Variants in PIGU observed in about 807,000 individuals in gnomAD.
The protein encoded by PIGU is GPI-anchor transamidase component PIGU.
PIGU carries 24 observed loss-of-function variants against 49.9 expected under a neutral mutation model. The ratio of observed to expected loss-of-function variants is 0.48; its 90% confidence interval spans 0.35 to 0.68. The LOEUF (loss-of-function observed/expected upper bound fraction) is 0.68, where lower values mean the gene tolerates loss of function less well. Ranked by LOEUF, PIGU falls within the 30% of genes least tolerant of loss-of-function variation. PIGU has a pLI of 0.01. For missense variants in PIGU, 490 were observed against 532.6 expected (o/e 0.92, Z 0.79); for synonymous variants, 220 against 205.7 (o/e 1.07, Z -0.59).
intron 1 of PIGU, 48 bp downstream of exon 1, chr20:34,676,908 C>G (rs1568672768): frequency 6.4e-7 from 1 of 1,553,084 alleles, no homozygotes; most frequent in Non-Finnish European, 8.7e-7. Context: ...ACAGAGGCCG[C>G]GGGAGGGCAG....
At chr20:34,588,741 T>A in intron 7 of PIGU, 134 bp from the exon 8 acceptor site, 1 of 806,346 alleles carries the variant, frequency 1.2e-6, no homozygotes, top group Non-Finnish European at 1.8e-6. Context: ...GGTCTTTAAT[T>A]AACTAAGAAG....
At chr20:34,662,937 C>T (rs1298319976) in intron 1 of PIGU, among the ~76,000 whole-genome samples, 1 of 152,052 alleles carries the variant, frequency 6.6e-6, no homozygotes, top group Non-Finnish European at 1.5e-5. Context: ...GACAGGGTCT[C>T]GCTCTGTCAT....
At position 34,617,434 on chromosome 20, in the gene PIGU, G is replaced by C. The variant is rs184221074; in HGVS notation, c.530-1295C>G. Among the ~76,000 whole-genome samples the C allele has an allele frequency of 2.7e-3, 414 of 152,318 alleles. 5 individuals carry two copies. Among genetic ancestry groups the C allele is most frequent in the Non-Finnish European group, 1.7e-3 (116 of 68,032 alleles). On this transcript the variant is annotated intron_variant, in intron 6 of 11. Coordinates refer to ENST00000217446, the MANE Select transcript of PIGU (RefSeq NM_080476.5). ...AGATGTGAGACATGGAGTCAAAGAA[G>C]ATCATTTTGGAACTTTAAGATTTGT...
chr20:34,663,849 A>T (rs1986998927), intron 1 of PIGU, among the ~76,000 whole-genome samples: 1 of 152,058 alleles, frequency 6.6e-6, no homozygotes, highest in African/African-American at 2.4e-5. Context: ...TAAAAAAGCA[A>T]CTCTACAGGG....
chr20:34,613,117 G>C (rs569490008), intron 7 of PIGU, among the ~76,000 whole-genome samples: 2 of 152,006 alleles, frequency 1.3e-5, no homozygotes, highest in South Asian at 4.1e-4. Context: ...CTACCTCCTA[G>C]AATTCCCCTG....
rs1415740299 is a variant in PIGU at position 34,651,487 on chromosome 20, CTTATCTT to C, written c.195+5686_195+5692del. Among the ~76,000 whole-genome samples, 5 of 152,222 alleles carry C rather than the reference CTTATCTT, an allele frequency of 3.3e-5. No homozygotes were observed. The East Asian group carries it at 9.6e-4, about 29-fold the overall frequency. ...TGGGATCTTAATCCCTGGAGTCCTG[CTTATCTT>C]GGTACTTTCCAATGCCTTCCAGCAG... On this transcript the variant is annotated intron_variant, in intron 2 of 11. Coordinates refer to ENST00000217446, the MANE Select transcript of PIGU (RefSeq NM_080476.5).
intron 10 of PIGU, among the ~76,000 whole-genome samples, chr20:34,577,932 G>T (rs1983306036): frequency 1.3e-5 from 2 of 152,152 alleles, no homozygotes; most frequent in Admixed American, 1.3e-4. Context: ...GTCAAAAGGA[G>T]AATAATCAGG....
intron 7 of PIGU, among the ~76,000 whole-genome samples, chr20:34,603,487 G>C (rs1984504824): frequency 6.6e-6 from 1 of 151,928 alleles, no homozygotes; most frequent in Admixed American, 6.6e-5. Flanking sequence ...TCCTAATTTA[G>C]CCAAGTAGGT....
chr20:34,565,903 G>GCA (rs1214088232), intron 11 of PIGU, among the ~76,000 whole-genome samples: 1 of 143,848 alleles, frequency 7.0e-6, no homozygotes, highest in Non-Finnish European at 1.5e-5. Flanking sequence ...ACACATGCTT[G>GCA]CACACACACA....
intron 6 of PIGU, among the ~76,000 whole-genome samples, chr20:34,629,318 G>A (rs1175711905): frequency 6.6e-6 from 1 of 152,114 alleles, no homozygotes; most frequent in African/African-American, 2.4e-5. Context: ...CACCATGCCG[G>A]GCCATATGTT....
intron 2 of PIGU, among the ~76,000 whole-genome samples, chr20:34,652,022 C>A (rs1986555538): frequency 6.6e-6 from 1 of 152,024 alleles, no homozygotes; most frequent in South Asian, 2.1e-4. Context: ...TTTTTTGAGT[C>A]ATGATTTTAC....
At position 34,654,562 on chromosome 20, in the gene PIGU, T is replaced by G. The variant is rs1303215055; in HGVS notation, c.195+2618A>C. ...TTCTTGTTATTGCAGTTTGATTAGA[T>G]ATTAACCCAGAGATAATAAAATTGA... is the stretch of plus-strand genomic sequence containing the variant. On this transcript the variant is annotated intron_variant, in intron 2 of 11. Transcript: ENST00000217446. Among the ~76,000 whole-genome samples the G allele has an allele frequency of 3.4e-5, 4 of 119,360 alleles. 2 individuals carry two copies. The East Asian group carries it at 1.0e-3, about 31-fold the overall frequency. 78.3% of individuals were successfully genotyped at this position (119,360 alleles called of 152,430 possible). A position where few individuals can be genotyped will look rare whatever the true frequency, so the allele number is the denominator to read the frequency against.
chr20:34,569,958 GT>G (rs1273329105), intron 11 of PIGU, among the ~76,000 whole-genome samples: 1 of 152,210 alleles, frequency 6.6e-6, no homozygotes, highest in Non-Finnish European at 1.5e-5. Flanking sequence ...GTGAGTTTGG[GT>G]AAGTCTCTAA....
chr20:34,660,048 T>TTAA (rs1555803431), intron 1 of PIGU, among the ~76,000 whole-genome samples: 1 of 41,454 alleles, frequency 2.4e-5, no homozygotes, highest in African/African-American at 7.6e-5. Flanking sequence ...GAATGATCAA[T>TTAA]AAAAAAAAAA....
At chr20:34,637,670 G>A (rs1416231609) in intron 5 of PIGU, among the ~76,000 whole-genome samples, 1 of 152,182 alleles carries the variant, frequency 6.6e-6, no homozygotes, top group African/African-American at 2.4e-5. Context: ...ACAGCCCTGT[G>A]TGAGTCTTTG....
intron 6 of PIGU, among the ~76,000 whole-genome samples, chr20:34,630,629 T>C (rs965628267): frequency 3.3e-5 from 5 of 152,236 alleles, no homozygotes; most frequent in South Asian, 2.1e-4. Context: ...GTCAATATGT[T>C]AGTGCTTCAT....
chr20:34,651,390 C>T (rs1193233181), intron 2 of PIGU, among the ~76,000 whole-genome samples: 1 of 152,242 alleles, frequency 6.6e-6, no homozygotes, highest in Admixed American at 6.5e-5. Context: ...ACCTGTGTCA[C>T]TTACAAATTG....
intron 9 of PIGU, among the ~76,000 whole-genome samples, chr20:34,585,182 G>A (rs1483216020): frequency 6.6e-6 from 1 of 152,220 alleles, no homozygotes; most frequent in Non-Finnish European, 1.5e-5. Context: ...GCAGCAATGT[G>A]GACTTGAGCA....
chr20:34,591,181 G>A (rs1043221218), intron 7 of PIGU, among the ~76,000 whole-genome samples: 1 of 151,848 alleles, frequency 6.6e-6, no homozygotes, highest in African/African-American at 2.4e-5. Flanking sequence ...GTATTGCAGA[G>A]ATAAAAATAG....
Sources: allele counts gnomAD v4.1 joint callset (sites outside exome capture counted in the v4.1 genomes callset), GRCh38; gene constraint gnomAD v4.1.1; transcripts MANE v1.5; gene names NCBI Gene and HGNC (gene_info 2026-07-23, HGNC 2026-07-21).